TYW1: variants seen among roughly 807,000 people sequenced by gnomAD.
The protein encoded by TYW1 is S-adenosyl-L-methionine-dependent tRNA 4-demethylwyosine synthase TYW1.
A neutral mutation model predicts 96.2 loss-of-function variants in TYW1; 46 were observed. The ratio of observed to expected loss-of-function variants is 0.48; its 90% CI spans 0.38 to 0.61. The LOEUF (loss-of-function observed/expected upper bound fraction) is 0.61, where lower values mean the gene tolerates loss of function less well. Ranked by LOEUF, TYW1 falls within the 20% of genes least tolerant of loss-of-function variation. The pLI is 0.00. For synonymous variants in TYW1, 274 were observed against 323.0 expected, an observed-to-expected ratio of 0.85 and a Z score of 1.63; for missense variants, 684 against 909.6, an observed-to-expected ratio of 0.75 and a Z score of 3.19.
chr7:67,066,756 G>A (rs560644164), intron 9 of TYW1, among the ~76,000 whole-genome samples: 1 of 152,306 alleles, frequency 6.6e-6, no homozygotes, highest in South Asian at 2.1e-4. Flanking sequence ...TCTGAGGCAG[G>A]AAGATTGCTT....
At chr7:67,211,150 TTGTGTGTGTGTGTGTGTGTGTG>T (rs61112149) in intron 15 of TYW1, among the ~76,000 whole-genome samples, 2 of 125,724 alleles carry the variant, frequency 1.6e-5, no homozygotes, top group African/African-American at 3.1e-5. Flanking sequence ...CCCATCAACA[TTGTGTGTGTGTGTGTGTGTGTG>T]TGTGTGTGTG....
At chr7:67,056,857 A>T (rs1324064611) in intron 9 of TYW1, among the ~76,000 whole-genome samples, 1 of 152,126 alleles carries the variant, frequency 6.6e-6, no homozygotes, top group African/African-American at 2.4e-5. Flanking sequence ...AAACTCCGAA[A>T]CTGTTGTCAG....
intron 14 of TYW1, among the ~76,000 whole-genome samples, chr7:67,192,187 T>C (rs1800240879): frequency 6.6e-6 from 1 of 152,060 alleles, no homozygotes; most frequent in Non-Finnish European, 1.5e-5. Flanking sequence ...TGAGCCACCG[T>C]GCCTAGCCTC....
intron 11 of TYW1, among the ~76,000 whole-genome samples, chr7:67,088,343 G>T (rs1796611994): frequency 1.3e-5 from 2 of 151,020 alleles, no homozygotes; most frequent in Admixed American, 1.3e-4. Flanking sequence ...GTAAAATTAT[G>T]ATAATAGAAA....
chr7:66,999,546 G>A (rs897944196), intron 3 of TYW1, among the ~76,000 whole-genome samples: 1 of 152,180 alleles, frequency 6.6e-6, no homozygotes, highest in African/African-American at 2.4e-5. Context: ...AGAGATGGGT[G>A]TTTTGCCATG....
chr7:67,080,348 A>C (rs1336277300), intron 10 of TYW1, among the ~76,000 whole-genome samples: 1 of 149,552 alleles, frequency 6.7e-6, no homozygotes, highest in Non-Finnish European at 1.5e-5. Flanking sequence ...CTCATTTTAC[A>C]GTTTCTGACT....
At chr7:67,038,026 C>A (rs1482365339) in intron 7 of TYW1, among the ~76,000 whole-genome samples, 1 of 152,202 alleles carries the variant, frequency 6.6e-6, no homozygotes, top group Non-Finnish European at 1.5e-5. Context: ...TCGGGCCGAG[C>A]TTGGTGGCTC....
intron 7 of TYW1, among the ~76,000 whole-genome samples, chr7:67,042,361 G>T (rs944097888): frequency 4.6e-5 from 7 of 151,974 alleles, no homozygotes; most frequent in Non-Finnish European, 8.8e-5. Context: ...TAGGACTGAA[G>T]ATAATTTGAA....
chr7:67,218,365 T>A (rs868667517), intron 15 of TYW1, among the ~76,000 whole-genome samples: 40,177 of 150,940 alleles, frequency 0.27, 5,679 homozygotes, highest in African/African-American at 0.36. Flanking sequence ...ATTTATTTTT[T>A]TTTTTTGAGA....
chr7:67,142,009 T>TG (rs1798465504), intron 13 of TYW1, among the ~76,000 whole-genome samples: 1 of 152,204 alleles, frequency 6.6e-6, no homozygotes, highest in South Asian at 2.1e-4. Context: ...CATTCCAGCC[T>TG]GGGCAACAAG....
chr7:67,193,759 C>CAA (rs35069275), intron 14 of TYW1, among the ~76,000 whole-genome samples: 35,333 of 115,632 alleles, frequency 0.31, 5,231 homozygotes, highest in African/African-American at 0.43. Flanking sequence ...GACTCTGTCT[C>CAA]AAAAAAAAAA....
chr7:67,140,262 A>G (rs1798405283), intron 13 of TYW1, among the ~76,000 whole-genome samples: 1 of 152,212 alleles, frequency 6.6e-6, no homozygotes, highest in Non-Finnish European at 1.5e-5. Flanking sequence ...CAGCCAAACC[A>G]TATCACCTTG....
chr7:67,204,973 A>G (rs1360429128), intron 15 of TYW1, among the ~76,000 whole-genome samples: 2 of 151,918 alleles, frequency 1.3e-5, no homozygotes, highest in Non-Finnish European at 2.9e-5. Context: ...GATAATACCA[A>G]CGCACATACC....
intron 9 of TYW1, among the ~76,000 whole-genome samples, chr7:67,065,287 C>T (rs1274401841): frequency 6.6e-6 from 1 of 152,204 alleles, no homozygotes; most frequent in Non-Finnish European, 1.5e-5. Flanking sequence ...TTAAATACCT[C>T]ATTAAAGAGC....
rs146272658 is a variant in TYW1 at position 67,069,687 on chromosome 7, C to G, written c.1274+2284C>G. 6.0e-3 allele frequency among the ~76,000 whole-genome samples: 915 copies of G among 152,242 alleles called. 6 individuals carry two copies. Among genetic ancestry groups the G allele is most frequent in the African/African-American group, 0.021 (868 of 41,544 alleles). The stretch of plus-strand genomic sequence containing the variant: ...CTGGGAGGTGGAGGGTGCAATGAGC[C>G]TTGATTGTGCCACTGCACTCCAGCC... On this transcript the variant is annotated intron_variant, in intron 10 of 15. Transcript: ENST00000359626.
At chr7:67,099,735 G>T (rs546387926) in intron 12 of TYW1, among the ~76,000 whole-genome samples, 1 of 152,304 alleles carries the variant, frequency 6.6e-6, no homozygotes, top group South Asian at 2.1e-4. Context: ...AGGCGCGGTG[G>T]CTCATGCCTG....
At chr7:67,152,591 G>GT (rs1274669986) in intron 13 of TYW1, among the ~76,000 whole-genome samples, 1 of 151,902 alleles carries the variant, frequency 6.6e-6, no homozygotes, top group African/African-American at 2.4e-5. Context: ...CATATTCACA[G>GT]TTTTTTGTTT....
intron 13 of TYW1, among the ~76,000 whole-genome samples, chr7:67,155,324 C>T (rs968574010): frequency 6.6e-6 from 1 of 152,204 alleles, no homozygotes; most frequent in South Asian, 2.1e-4. Context: ...TGTGATAGTG[C>T]GTGAGTTCTT....
Position 66,998,138 on chromosome 7 carries a change from G to A in TYW1, c.78G>A (p.Leu26=), listed in dbSNP as rs1355265434. 1.2e-5 allele frequency: 20 copies of A among 1,612,692 alleles called. No individual in the cohort carries two copies. Among genetic ancestry groups the A allele is most frequent in the Non-Finnish European group, 1.7e-5 (20 of 1,179,682 alleles). ...SLWINRFYIY[L]GFAVSISLWI... is the part of the protein sequence containing the mutation. ...GGATAAACAGGTTTTACATTTATTTGGGCTTTGCTGTTAGCATTAGCCTTT... is the reference window on the plus strand; with the variant it reads ...GGATAAACAGGTTTTACATTTATTTAGGCTTTGCTGTTAGCATTAGCCTTT... Residue 26 remains leucine (L), a synonymous_variant, in exon 2 of 16, where the codon TTG becomes TTA. Transcript: ENST00000359626.
Sources: gnomAD v4.1 joint callset for allele counts (sites outside exome capture counted in the v4.1 genomes callset) on GRCh38, gnomAD v4.1.1 for gene constraint, MANE v1.5 for transcripts, NCBI Gene and HGNC (gene_info 2026-07-23, HGNC 2026-07-21) for gene names.